C5orf24: variants seen among roughly 807,000 people sequenced by gnomAD.
C5orf24 encodes the protein UPF0461 protein C5orf24.
Under a neutral mutation model 9.8 loss-of-function variants are expected in C5orf24, and 4 were observed. That is an observed-to-expected ratio of 0.41 (90% CI 0.20 to 0.93). The LOEUF (loss-of-function observed/expected upper bound fraction) is 0.93. Among genes scored for constraint, C5orf24 ranks in the 40% least tolerant of loss-of-function variants. The probability of loss-of-function intolerance (pLI) is 0.33; values close to 1 mark genes in which losing one functional copy is unlikely to be tolerated. For synonymous variants in C5orf24, 73 were observed against 81.3 expected (o/e 0.90, Z 0.55); for missense variants, 170 against 236.9 (o/e 0.72, Z 1.85).
upstream of C5orf24, among the ~76,000 whole-genome samples, chr5:134,840,857 G>T (rs758559845): frequency 6.6e-6 from 1 of 152,148 alleles, no homozygotes; most frequent in Non-Finnish European, 1.5e-5. Context: ...CTGAGCCTTG[G>T]TATCCAGAGT....
the C5orf24 span, among the ~76,000 whole-genome samples, chr5:134,839,020 G>A: frequency 6.6e-6 from 1 of 151,882 alleles, no homozygotes; most frequent in Non-Finnish European, 1.5e-5. Flanking sequence ...ACCAGCTTGG[G>A]CAACATGAGG....
At position 134,857,178 on chromosome 5, in the gene C5orf24, G is replaced by T; in HGVS notation, c.*1711G>T. 3.1e-6 allele frequency: 4 copies of T among 1,304,406 alleles called. No individual in the cohort carries two copies. The highest frequency in any genetic ancestry group is 3.9e-6 in the Non-Finnish European group (4 of 1,015,306). 80.8% of individuals were successfully genotyped at this position (1,304,406 alleles called of 1,614,324 possible). On this transcript the variant is annotated 3_prime_UTR_variant, in exon 2 of 2. Transcript: ENST00000394976. ...TGAAAAAATTCCACTTAACTTTAAAGTTACAATGTTTGTATTTGGGATTTT... is the reference window on the plus strand; with the variant it reads ...TGAAAAAATTCCACTTAACTTTAAATTTACAATGTTTGTATTTGGGATTTT...
At chr5:134,848,090 A>G (rs1223343806) in intron 1 of C5orf24, among the ~76,000 whole-genome samples, 2 of 152,130 alleles carry the variant, frequency 1.3e-5, no homozygotes, top group Admixed American at 6.5e-5. Context: ...AGGCAGGCGG[A>G]TCACGAGGTC....
At chr5:134,854,221 G>A (rs1003243307) in intron 1 of C5orf24, among the ~76,000 whole-genome samples, 2 of 152,194 alleles carry the variant, frequency 1.3e-5, no homozygotes, top group South Asian at 4.1e-4. Flanking sequence ...ACTGCCTTCT[G>A]TTGGAATGGA....
At chr5:134,853,528 CTTTTTT>C (rs773207000) in intron 1 of C5orf24, among the ~76,000 whole-genome samples, 1,087 of 104,240 alleles carry the variant, frequency 0.01, 9 homozygotes, top group African/African-American at 0.035. Context: ...TCTTCTTCTT[CTTTTTT>C]TTTTTTTTTT....
At position 134,855,273 on chromosome 5, in the gene C5orf24, C is replaced by A; in HGVS notation, c.373C>A (p.Pro125Thr). 1 of 1,614,190 alleles carries A rather than the reference C, an allele frequency of 6.2e-7. No individual in the cohort carries two copies. The highest frequency in any genetic ancestry group is 1.1e-5 in the South Asian group (1 of 91,078). ...AAGFKTSPGRPLGTTKAAGYK... is the reference protein window; with the variant it reads ...AAGFKTSPGRTLGTTKAAGYK... ...TGGATTTAAGACAAGTCCAGGCAGACCTTTGGGGACAACTAAAGCTGCGGG... is the reference window on the plus strand; with the variant it reads ...TGGATTTAAGACAAGTCCAGGCAGAACTTTGGGGACAACTAAAGCTGCGGG... The change falls in exon 2 of 2, where the codon CCT becomes ACT. Residue 125 changes from proline to threonine, a missense_variant. Pro to Thr is a conservative substitution (Grantham distance 38, BLOSUM62 -1). Around this residue, in one of 3 missense-constraint regions of C5orf24, gnomAD observed 21 missense variants for 72.2 expected, o/e 0.29. Coordinates refer to ENST00000394976, the MANE Select transcript of C5orf24 (RefSeq NM_001135586.1).
At chr5:134,837,878 G>C in the C5orf24 span, among the ~76,000 whole-genome samples, 10 of 152,188 alleles carry the variant, frequency 6.6e-5, no homozygotes, top group Non-Finnish European at 4.4e-5. Flanking sequence ...TATTTAGCAG[G>C]GACAGTCAGC....
In C5orf24 at chr5:134,857,230, A is replaced by C. The variant is rs890616071; in HGVS notation, c.*1763A>C. On this transcript the variant is annotated 3_prime_UTR_variant, in exon 2 of 2. Transcript: ENST00000394976. The stretch of plus-strand genomic sequence containing the variant: ...AATGCCTTTGAGATTAAAATGTAGA[A>C]TTGCAGGACCCAAAAACTTTTAAAA... 7.6e-7 allele frequency: 1 copy of C among 1,318,304 alleles called. No homozygotes were observed. The highest frequency in any genetic ancestry group is 9.8e-7 in the Non-Finnish European group (1 of 1,023,836). 81.7% of individuals were successfully genotyped at this position (1,318,304 alleles called of 1,614,324 possible). A position where few individuals can be genotyped will look rare whatever the true frequency, so the allele number is the denominator to read the frequency against.
At chr5:134,850,439 G>A (rs1249339268) in intron 1 of C5orf24, among the ~76,000 whole-genome samples, 1 of 151,452 alleles carries the variant, frequency 6.6e-6, no homozygotes, top group East Asian at 1.9e-4. Flanking sequence ...GAACCACCAT[G>A]GCTGGCCAAG....
chr5:134,847,963 A>C (rs1480800144), intron 1 of C5orf24, among the ~76,000 whole-genome samples: 1 of 152,108 alleles, frequency 6.6e-6, no homozygotes, highest in Non-Finnish European at 1.5e-5. Context: ...TGGGCTTCCA[A>C]AATTTCTGGG....
chr5:134,841,713 C>T (rs565225919), upstream of C5orf24, among the ~76,000 whole-genome samples: 5 of 152,334 alleles, frequency 3.3e-5, no homozygotes, highest in South Asian at 1.0e-3. Flanking sequence ...ACATCACAGT[C>T]CTAATGGCAG....
At position 134,859,358 on chromosome 5, in the gene C5orf24, C is replaced by G. The variant is rs920366536; in HGVS notation, c.*3891C>G. ...GTTAAACTCTAGGATGTATCTGAATCTTTCCTTTTTTCCCCCCTCCTCCAA... is the reference window on the plus strand; with the variant it reads ...GTTAAACTCTAGGATGTATCTGAATGTTTCCTTTTTTCCCCCCTCCTCCAA... On this transcript the variant is annotated 3_prime_UTR_variant, in exon 2 of 2. Coordinates refer to ENST00000394976, the MANE Select transcript of C5orf24 (RefSeq NM_001135586.1). The G allele has an allele frequency of 6.0e-6, 1 of 166,894 alleles. No homozygotes were observed. Among genetic ancestry groups the G allele is most frequent in the Non-Finnish European group, 1.5e-5 (1 of 68,066 alleles). The allele number at this position is 166,894 out of a possible 1,614,324, so 10.3% of individuals were successfully genotyped here. A position where few individuals can be genotyped will look rare whatever the true frequency, so the allele number is the denominator to read the frequency against.
chr5:134,840,191 C>T, the C5orf24 span, among the ~76,000 whole-genome samples: 252 of 151,792 alleles, frequency 1.7e-3, 1 homozygote, highest in African/African-American at 5.9e-3. Flanking sequence ...CCTGTAGTCC[C>T]AGCTACTCGG....
At chr5:134,837,348 A>G in the C5orf24 span, among the ~76,000 whole-genome samples, 1 of 152,198 alleles carries the variant, frequency 6.6e-6, no homozygotes, top group Admixed American at 6.5e-5. Flanking sequence ...ATGAGGTGAA[A>G]TAATACATTT....
rs1056504869 is a variant in C5orf24 at position 134,859,099 on chromosome 5, GAAA to G, written c.*3640_*3642del. 1 of 158,780 alleles carries G rather than the reference GAAA, an allele frequency of 6.3e-6. No homozygotes were observed. The highest frequency in any genetic ancestry group is 2.5e-5 in the African/African-American group (1 of 39,538). 9.8% of individuals were successfully genotyped at this position (158,780 alleles called of 1,614,324 possible). A position where few individuals can be genotyped will look rare whatever the true frequency, so the allele number is the denominator to read the frequency against. On this transcript the variant is annotated 3_prime_UTR_variant, in exon 2 of 2. Transcript: ENST00000394976. ...AAATAACCATAGTGTGTGAGCTAAAGAAAAAAAAAAGTAAATTTCTCCTTTATA... is the reference window on the plus strand; with the variant it reads ...AAATAACCATAGTGTGTGAGCTAAAGAAAAAAAGTAAATTTCTCCTTTATA...
the C5orf24 span, among the ~76,000 whole-genome samples, chr5:134,835,601 C>T: frequency 6.6e-6 from 1 of 152,176 alleles, no homozygotes; most frequent in African/African-American, 2.4e-5. Context: ...GAGCCCAGAT[C>T]GTGCCAGTGC....
intron 1 of C5orf24, among the ~76,000 whole-genome samples, chr5:134,850,891 C>G (rs1219737077): frequency 6.7e-6 from 1 of 149,940 alleles, no homozygotes; most frequent in Non-Finnish European, 1.5e-5. Context: ...ACTGTATATC[C>G]TGAGTTCTCT....
chr5:134,848,421 C>T (rs1756056185), intron 1 of C5orf24, among the ~76,000 whole-genome samples: 1 of 148,548 alleles, frequency 6.7e-6, no homozygotes, highest in East Asian at 2.0e-4. Context: ...CTTTGGGAGG[C>T]CAAGGCAGGC....
chr5:134,851,363 A>C (rs908158640), intron 1 of C5orf24, among the ~76,000 whole-genome samples: 1 of 152,176 alleles, frequency 6.6e-6, no homozygotes, highest in South Asian at 2.1e-4. Context: ...TTAAGTGAGA[A>C]TATTTTAAGT....
Sources: gnomAD v4.1 joint callset for allele counts (sites outside exome capture counted in the v4.1 genomes callset) on GRCh38, gnomAD v4.1.1 for gene constraint, gnomAD v4.1.1 regional missense constraint, MANE v1.5 for transcripts, NCBI Gene and HGNC (gene_info 2026-07-23, HGNC 2026-07-21) for gene names.